NSUN4: variants seen among roughly 807,000 people sequenced by gnomAD.
NSUN4 encodes NOP2/Sun RNA methyltransferase 4, also known as 5-cytosine rRNA methyltransferase NSUN4.
A neutral mutation model predicts 43.8 loss-of-function variants in NSUN4; 31 were observed. The ratio of observed to expected loss-of-function variants is 0.71; its 90% CI spans 0.53 to 0.96. NSUN4 has a LOEUF of 0.96. Among genes scored for constraint, NSUN4 ranks in the 40% least tolerant of loss-of-function variants. The pLI, the probability that NSUN4 is intolerant of heterozygous loss-of-function variation, is 0.00. For synonymous variants in NSUN4, 167 were observed against 184.1 expected, an observed-to-expected ratio of 0.91 and a Z score of 0.75; for missense variants, 439 against 475.6, an observed-to-expected ratio of 0.92 and a Z score of 0.72.
At position 46,357,578 on chromosome 1, in the gene NSUN4, G is replaced by T. The variant is rs569821122; in HGVS notation, c.754-3126G>T. 8.5e-5 allele frequency among the ~76,000 whole-genome samples: 13 copies of T among 152,270 alleles called. No homozygotes were observed. In the South Asian group the frequency reaches 2.7e-3, roughly 32 times the overall value. On this transcript the variant is annotated intron_variant, in intron 4 of 5. Coordinates refer to ENST00000474844, the MANE Select transcript of NSUN4 (RefSeq NM_199044.4). ...GCTCTGCTGTTTCTCTGCATTAGGG[G>T]CTCAGGAGTCCAGCGGTCCTAAGTA...
In NSUN4 at chr1:46,342,033, T is replaced by G. The variant is rs117763618; in HGVS notation, c.93+1114T>G. The G allele has an allele frequency of 3.9e-4, 423 of 1,079,240 alleles. 4 individuals are homozygous for G. In the East Asian group the frequency reaches 0.012, roughly 31 times the overall value. The allele number at this position is 1,079,240 out of a possible 1,614,324, so 66.9% of individuals were successfully genotyped here. A position where few individuals can be genotyped will look rare whatever the true frequency, so the allele number is the denominator to read the frequency against. On this transcript the variant is annotated intron_variant, in intron 1 of 5. Coordinates refer to ENST00000474844, the MANE Select transcript of NSUN4 (RefSeq NM_199044.4). ...ACCCTTGGAAACTGGACCCATGATT[T>G]CGCCTCCTCCTACACATAGGACCCC... is the stretch of plus-strand genomic sequence containing the variant.
At chr1:46,357,999 C>T (rs971545982) in intron 4 of NSUN4, among the ~76,000 whole-genome samples, 1 of 152,162 alleles carries the variant, frequency 6.6e-6, no homozygotes, top group African/African-American at 2.4e-5. Context: ...ACTGCAACCT[C>T]CACCTTCCGG....
chr1:46,345,278 A>G (rs535118470), intron 2 of NSUN4, 134 bp downstream of exon 2: 1 of 647,810 alleles, frequency 1.5e-6, no homozygotes, highest in East Asian at 2.7e-5. Context: ...CAGACTAGGC[A>G]TTTTTTTGAG....
chr1:46,368,280 C>T (rs1022898563), downstream of NSUN4, among the ~76,000 whole-genome samples: 1 of 152,146 alleles, frequency 6.6e-6, no homozygotes, highest in Non-Finnish European at 1.5e-5. Flanking sequence ...TAATTCCTCC[C>T]ATCCTGTCCC....
At chr1:46,341,505 G>A in intron 1 of NSUN4, 5 of 1,051,926 alleles carry the variant, frequency 4.8e-6, no homozygotes, top group Non-Finnish European at 4.6e-6. Context: ...AAGGTGCAAC[G>A]AATCCTCTCA....
rs1664091790 is a variant in NSUN4, at chr1:46,364,913, C to T, written c.*3067C>T. 6.6e-6 allele frequency: 1 copy of T among 152,162 alleles called. No individual in the cohort carries two copies. The highest frequency in any genetic ancestry group is 2.1e-4 in the South Asian group (1 of 4,828). The allele number at this position is 152,162 out of a possible 1,614,324, so 9.4% of individuals were successfully genotyped here. ...GTGCAGTCCACATGTGCATAAGGACCATGGGGAGCTTGTATTTGGGAATTC... is the reference window on the plus strand; with the variant it reads ...GTGCAGTCCACATGTGCATAAGGACTATGGGGAGCTTGTATTTGGGAATTC... On this transcript the variant is annotated 3_prime_UTR_variant, in exon 6 of 6. Coordinates refer to ENST00000474844, the MANE Select transcript of NSUN4 (RefSeq NM_199044.4).
the NSUN4 span, among the ~76,000 whole-genome samples, chr1:46,373,187 T>G: frequency 5.3e-5 from 8 of 152,206 alleles, no homozygotes; most frequent in South Asian, 4.1e-4. Flanking sequence ...CTAATCTTTT[T>G]GTCTTCTGAT....
downstream of NSUN4, among the ~76,000 whole-genome samples, chr1:46,367,675 G>A (rs1348770725): frequency 6.6e-6 from 1 of 151,674 alleles, no homozygotes; most frequent in African/African-American, 2.4e-5. Context: ...TCCAGAGTCA[G>A]CTGATATACT....
At chr1:46,365,986 G>C (rs1664125746), downstream of NSUN4, among the ~76,000 whole-genome samples, 1 of 151,944 alleles carries the variant, frequency 6.6e-6, no homozygotes, top group East Asian at 1.9e-4. Context: ...AAATTAGCCG[G>C]GTGTGGTGGC....
At chr1:46,367,124 G>C (rs939164274), downstream of NSUN4, among the ~76,000 whole-genome samples, 24 of 152,108 alleles carry the variant, frequency 1.6e-4, 1 homozygote, top group Admixed American at 1.4e-3. Flanking sequence ...CAGATTTGAG[G>C]GTCTTTAGTG....
chr1:46,350,255 G>A (rs1443074767), intron 3 of NSUN4, among the ~76,000 whole-genome samples: 2 of 152,164 alleles, frequency 1.3e-5, no homozygotes, highest in Non-Finnish European at 2.9e-5. Flanking sequence ...ATTGGCCGGG[G>A]GGCGGTGACT....
chr1:46,342,437 T>A, intron 1 of NSUN4: 1 of 399,118 alleles, frequency 2.5e-6, no homozygotes, highest in Non-Finnish European at 4.4e-6. Flanking sequence ...TACCTACCCC[T>A]GGGAGTCCTT....
intron 5 of NSUN4, 151 bp downstream of exon 5, chr1:46,360,979 C>T: frequency 2.3e-6 from 2 of 866,178 alleles, no homozygotes; most frequent in Non-Finnish European, 3.6e-6. Context: ...ATCTCTGGAA[C>T]ATAAAAACCC....
chr1:46,363,792 TACCTAACCATATGG>T lies in NSUN4; in HGVS notation c.*1948_*1961del, dbSNP rs1371195798. 1 of 152,548 alleles carries T rather than the reference TACCTAACCATATGG, an allele frequency of 6.6e-6. No homozygotes were observed. Among genetic ancestry groups the T allele is most frequent in the African/African-American group, 2.4e-5 (1 of 41,432 alleles). 9.4% of individuals were successfully genotyped at this position (152,548 alleles called of 1,614,324 possible). A position where few individuals can be genotyped will look rare whatever the true frequency, so the allele number is the denominator to read the frequency against. On this transcript the variant is annotated 3_prime_UTR_variant, in exon 6 of 6. Transcript: ENST00000474844. ...ACAATTGTCAAATGAACTATAATGA[TACCTAACCATATGG>T]ATGAATCTGAGCAATAAAATAATTA... is the stretch of plus-strand genomic sequence containing the variant.
Position 46,345,122 on chromosome 1 carries a change from A to G in NSUN4, c.415A>G (p.Ile139Val). ...ATGCTTCACTTTTGACAGAGGGGAT[A>G]TCAGTCGCTTCCCTCCTGCCAGGTA... ...LRCFTFDRGDISRFPPARPGS... is the reference protein window; with the variant it reads ...LRCFTFDRGDVSRFPPARPGS... Residue 139 changes from isoleucine (I) to valine (V), a missense_variant, in exon 2 of 6, where the codon ATC becomes GTC. Coordinates refer to ENST00000474844, the MANE Select transcript of NSUN4 (RefSeq NM_199044.4). 1 of 1,609,662 alleles carries G rather than the reference A, an allele frequency of 6.2e-7. No homozygotes were observed. Among genetic ancestry groups the G allele is most frequent in the Non-Finnish European group, 8.5e-7 (1 of 1,177,700 alleles).
chr1:46,380,459 T>C, the NSUN4 span, among the ~76,000 whole-genome samples: 1 of 152,206 alleles, frequency 6.6e-6, no homozygotes, highest in South Asian at 2.1e-4. Context: ...CCTGCTCTTC[T>C]AGTCCATGAC....
chr1:46,354,335 G>A (rs1217358206), intron 4 of NSUN4, among the ~76,000 whole-genome samples: 1 of 152,138 alleles, frequency 6.6e-6, no homozygotes, highest in African/African-American at 2.4e-5. Flanking sequence ...CTGGGCTTGA[G>A]CAGTCCTCCC....
intron 3 of NSUN4, among the ~76,000 whole-genome samples, chr1:46,347,894 T>C (rs560995771): frequency 2.0e-5 from 3 of 151,906 alleles, no homozygotes; most frequent in Admixed American, 6.6e-5. Context: ...TCTCTTTTTT[T>C]CGAGATGGAG....
At chr1:46,344,004 A>G (rs1662305218) in intron 1 of NSUN4, 2 of 386,322 alleles carry the variant, frequency 5.2e-6, no homozygotes, top group Non-Finnish European at 9.1e-6. Context: ...CAAGGCATAG[A>G]TAGTAACAAG....
Sources: gnomAD v4.1 joint callset for allele counts (sites outside exome capture counted in the v4.1 genomes callset) on GRCh38, gnomAD v4.1.1 for gene constraint, MANE v1.5 for transcripts, NCBI Gene and HGNC (gene_info 2026-07-23, HGNC 2026-07-21) for gene names.